Variants in DGKB observed in about 807,000 individuals in gnomAD.
The protein encoded by DGKB is diacylglycerol kinase beta.
DGKB carries 67 observed loss-of-function variants against 114.3 expected under a neutral mutation model. The observed-to-expected ratio is 0.59, with a 90% confidence interval of 0.48 to 0.72. The LOEUF is 0.72. Ranked by LOEUF, DGKB falls within the 30% of genes least tolerant of loss-of-function variation. The pLI is 0.00. For missense variants in DGKB, 907 were observed against 975.2 expected (o/e 0.93, Z 0.93); for synonymous variants, 398 against 323.1 (o/e 1.23, Z -2.49).
chr7:14,661,004 T>A (rs1181510758), intron 13 of DGKB, among the ~76,000 whole-genome samples: 2 of 148,714 alleles, frequency 1.3e-5, no homozygotes, highest in African/African-American at 4.9e-5. Flanking sequence ...TAGCCATATT[T>A]AGAAAGCTGA....
intron 21 of DGKB, among the ~76,000 whole-genome samples, chr7:14,440,647 G>A (rs1829953688): frequency 6.6e-6 from 1 of 152,116 alleles, no homozygotes; most frequent in Admixed American, 6.6e-5. Flanking sequence ...CTCATCCACT[G>A]TTGATAGTAC....
chr7:14,353,191 C>T (rs1163536312), intron 21 of DGKB, among the ~76,000 whole-genome samples: 1 of 151,986 alleles, frequency 6.6e-6, no homozygotes, highest in African/African-American at 2.4e-5. Flanking sequence ...TCACTTGAAC[C>T]TTTTTTTCCT....
chr7:14,707,385 G>A (rs1585849006), intron 6 of DGKB, among the ~76,000 whole-genome samples: 1 of 147,760 alleles, frequency 6.8e-6, no homozygotes, highest in Non-Finnish European at 1.5e-5. Flanking sequence ...TTCTACCAGA[G>A]GTACAAGGAG....
At chr7:14,635,439 A>G (rs17604022) in intron 13 of DGKB, among the ~76,000 whole-genome samples, 4,208 of 151,302 alleles carry the variant, frequency 0.028, 89 homozygotes, top group Non-Finnish European at 0.045. Flanking sequence ...AAGCTCTTAG[A>G]AGAAAGAAAG....
At chr7:14,842,162 T>C (rs1848028752) in intron 1 of DGKB, among the ~76,000 whole-genome samples, 1 of 152,242 alleles carries the variant, frequency 6.6e-6, no homozygotes, top group African/African-American at 2.4e-5. Context: ...CTGTATTCTT[T>C]ACAGAAAATG....
chr7:14,553,896 G>A (rs1423872716), intron 20 of DGKB, among the ~76,000 whole-genome samples: 5 of 91,758 alleles, frequency 5.4e-5, no homozygotes, highest in East Asian at 3.6e-4. Context: ...TTTTTGAGAC[G>A]GAGTCTCGCT....
intron 6 of DGKB, among the ~76,000 whole-genome samples, chr7:14,708,172 C>T (rs1457567080): frequency 2.9e-5 from 2 of 69,762 alleles, no homozygotes; most frequent in African/African-American, 7.7e-5. Context: ...TATACACCAA[C>T]AACAGACAGA....
In DGKB at chr7:14,222,340, C is replaced by T. The variant is rs549656050; in HGVS notation, c.2123-44189G>A. 6.6e-5 allele frequency among the ~76,000 whole-genome samples: 10 copies of T among 151,068 alleles called. No individual in the cohort carries two copies. The East Asian group carries it at 7.8e-4, about 12-fold the overall frequency. ...TGCATCCCCAAAATTTGGTATGTTA[C>T]GTCTTCATTCATCTTAAGGTGCTTT... On this transcript the variant is annotated intron_variant, in intron 23 of 25. Coordinates refer to ENST00000402815, the MANE Select transcript of DGKB (RefSeq NM_001350709.2).
At chr7:14,528,773 T>C (rs1030631297) in intron 20 of DGKB, among the ~76,000 whole-genome samples, 1 of 152,048 alleles carries the variant, frequency 6.6e-6, no homozygotes, top group Non-Finnish European at 1.5e-5. Context: ...GCAAGACAGG[T>C]AATTGGTACC....
Position 14,146,297 on chromosome 7 carries a change from G to A in DGKB, c.*2834C>T, listed in dbSNP as rs1164534834. The A allele has an allele frequency of 6.6e-6, 1 of 152,082 alleles. No individual in the cohort carries two copies. Among genetic ancestry groups the A allele is most frequent in the East Asian group, 1.9e-4 (1 of 5,186 alleles). The allele number at this position is 152,082 out of a possible 1,614,324, so 9.4% of individuals were successfully genotyped here. A position where few individuals can be genotyped will look rare whatever the true frequency, so the allele number is the denominator to read the frequency against. ...AGGTTTACTCTGAAATGTCTCTCTGGAATCTCATCAACTCAGTGCCTAGCA... is the reference window on the plus strand; with the variant it reads ...AGGTTTACTCTGAAATGTCTCTCTGAAATCTCATCAACTCAGTGCCTAGCA... On this transcript the variant is annotated 3_prime_UTR_variant, in exon 26 of 26. Coordinates refer to ENST00000402815, the MANE Select transcript of DGKB (RefSeq NM_001350709.2).
chr7:14,855,511 A>C (rs944886383), intron 1 of DGKB, among the ~76,000 whole-genome samples: 2 of 152,180 alleles, frequency 1.3e-5, no homozygotes, highest in African/African-American at 2.4e-5. Flanking sequence ...CCAAATAAGC[A>C]CACGTGCATT....
intron 1 of DGKB, among the ~76,000 whole-genome samples, chr7:14,893,352 G>A (rs1207890601): frequency 6.6e-6 from 1 of 151,320 alleles, no homozygotes; most frequent in Admixed American, 6.6e-5. Flanking sequence ...CTTAAAAGAC[G>A]TTTTTTCCTG....
intron 23 of DGKB, among the ~76,000 whole-genome samples, chr7:14,198,396 A>G (rs1472378977): frequency 6.6e-6 from 1 of 152,034 alleles, no homozygotes; most frequent in Admixed American, 6.6e-5. Context: ...AGTTCCCTGC[A>G]TCAGAGACCC....
intron 20 of DGKB, among the ~76,000 whole-genome samples, chr7:14,531,843 A>T (rs1166867683): frequency 6.6e-6 from 1 of 151,416 alleles, no homozygotes; most frequent in Non-Finnish European, 1.5e-5. Context: ...CATATAAATA[A>T]ATGAAAAATT....
chr7:14,905,244 G>GTTTTTTTT (rs55752603), upstream of DGKB, among the ~76,000 whole-genome samples: 1 of 139,336 alleles, frequency 7.2e-6, no homozygotes, highest in Non-Finnish European at 1.5e-5. Context: ...CATCTTGTTA[G>GTTTTTTTT]TTTTTTTTTT....
Position 14,338,719 on chromosome 7 carries a change from T to C in DGKB, c.1927-9A>G, listed in dbSNP as rs2128575948. 1 of 1,413,960 alleles carries C rather than the reference T, an allele frequency of 7.1e-7. No individual in the cohort carries two copies. Among genetic ancestry groups the C allele is most frequent in the East Asian group, 2.6e-5 (1 of 38,250 alleles). 87.6% of individuals were successfully genotyped at this position (1,413,960 alleles called of 1,614,324 possible). On this transcript the variant is annotated splice_polypyrimidine_tract_variant and intron_variant, in intron 22 of 25. Coordinates refer to ENST00000402815, the MANE Select transcript of DGKB (RefSeq NM_001350709.2). ...ATCTGTACTCCATCACACTGATCGG[T>C]AAAAAGAAAGAAACAGAAACGGAAT...
At chr7:14,271,252 A>G (rs980818159) in intron 23 of DGKB, among the ~76,000 whole-genome samples, 11 of 152,196 alleles carry the variant, frequency 7.2e-5, no homozygotes, top group African/African-American at 2.4e-4. Flanking sequence ...GAGAGATAAC[A>G]TGAGAAGCAG....
chr7:14,583,378 T>C (rs1280436417), intron 17 of DGKB, among the ~76,000 whole-genome samples: 1 of 152,232 alleles, frequency 6.6e-6, no homozygotes, highest in East Asian at 1.9e-4. Context: ...ACTCTTTTTC[T>C]TTAATAAACT....
rs143271092 is a variant in DGKB at position 14,783,627 on chromosome 7, G to C, written c.71-25896C>G. On this transcript the variant is annotated intron_variant, in intron 2 of 25. Coordinates refer to ENST00000402815, the MANE Select transcript of DGKB (RefSeq NM_001350709.2). ...TGCTCATTATAAAACTCCAATACAA[G>C]AATTATTATTGACATTGACAAGTGC... Among the ~76,000 whole-genome samples the C allele has an allele frequency of 4.7e-4, 71 of 152,216 alleles. 1 individual carries two copies. In the East Asian group the frequency reaches 0.013, roughly 29 times the overall value.
Sources: gnomAD v4.1 joint callset for allele counts (sites outside exome capture counted in the v4.1 genomes callset) on GRCh38, gnomAD v4.1.1 for gene constraint, MANE v1.5 for transcripts, NCBI Gene and HGNC (gene_info 2026-07-23, HGNC 2026-07-21) for gene names.